PDE4D: variants seen among roughly 807,000 people sequenced by gnomAD.
PDE4D encodes phosphodiesterase 4D, also known as 3',5'-cyclic-AMP phosphodiesterase 4D.
In PDE4D, 24 loss-of-function variants were observed where a neutral mutation model predicts 87.4. The ratio of observed to expected loss-of-function variants is 0.27; its 90% confidence interval spans 0.20 to 0.39. The LOEUF (loss-of-function observed/expected upper bound fraction) is 0.39. Among genes scored for constraint, PDE4D ranks in the 10% least tolerant of loss-of-function variants. PDE4D has a pLI of 1.00. For missense variants in PDE4D, 714 were observed against 1,041.0 expected (o/e 0.69, Z 4.32); for synonymous variants, 384 against 383.2 (o/e 1.00, Z -0.02).
At chr5:60,064,986 C>T (rs1348507780) in intron 2 of PDE4D, among the ~76,000 whole-genome samples, 1 of 152,130 alleles carries the variant, frequency 6.6e-6, no homozygotes, top group Admixed American at 6.5e-5. Context: ...TCTTTTGCCT[C>T]TAGGCAAAGC....
chr5:59,032,513 A>AGGTTGCAGTGAGCTGAGATCGT (rs1757747627), intron 6 of PDE4D, among the ~76,000 whole-genome samples: 1 of 152,166 alleles, frequency 6.6e-6, no homozygotes, highest in African/African-American at 2.4e-5. Flanking sequence ...TGGGAGGCGG[A>AGGTTGCAGTGAGCTGAGATCGT]GGTTGCAGTG....
At chr5:59,953,783 C>T (rs1758543168) in intron 3 of PDE4D, among the ~76,000 whole-genome samples, 1 of 152,102 alleles carries the variant, frequency 6.6e-6, no homozygotes, top group South Asian at 2.1e-4. Flanking sequence ...CTTTACCCAT[C>T]CAATTTAAAC....
chr5:59,771,499 G>GAAGAAAGAAA (rs1554081505), intron 1 of PDE4D, among the ~76,000 whole-genome samples: 1 of 19,700 alleles, frequency 5.1e-5, no homozygotes, highest in Non-Finnish European at 1.2e-4. Flanking sequence ...GAGAGAGAGA[G>GAAGAAAGAAA]AAGAAAGAAA....
At chr5:59,703,739 G>C in intron 1 of PDE4D, 2 of 407,528 alleles carry the variant, frequency 4.9e-6, no homozygotes. Flanking sequence ...AGATTTGCTA[G>C]TGGTGTTCAG....
At chr5:59,717,928 G>A (rs1755261705) in intron 1 of PDE4D, among the ~76,000 whole-genome samples, 1 of 152,152 alleles carries the variant, frequency 6.6e-6, no homozygotes, top group African/African-American at 2.4e-5. Flanking sequence ...AAATCAGCAC[G>A]TCTCAACTTC....
rs1580027169 is a variant in PDE4D at position 58,976,213 on chromosome 5, G to T, written c.1830+137C>A. The T allele has an allele frequency of 3.2e-6, 3 of 930,214 alleles. No homozygotes were observed. In the East Asian group the frequency reaches 8.4e-5, roughly 26 times the overall value. 57.6% of individuals were successfully genotyped at this position (930,214 alleles called of 1,614,324 possible). The stretch of plus-strand genomic sequence containing the variant: ...GTTAATTCTCAGGAATAAAAATTTG[G>T]ATAAAAATCCTGCCTACAATTGCTG... On this transcript the variant is annotated intron_variant, in intron 13 of 14. Coordinates refer to ENST00000340635, the MANE Select transcript of PDE4D (RefSeq NM_001104631.2).
intron 5 of PDE4D, among the ~76,000 whole-genome samples, chr5:59,130,591 C>T (rs1776126024): frequency 1.3e-5 from 2 of 152,176 alleles, no homozygotes; most frequent in Admixed American, 6.5e-5. Flanking sequence ...ACCCAAATTT[C>T]GTAAGTGAAA....
chr5:60,415,938 A>G (rs547095540), intron 1 of PDE4D, among the ~76,000 whole-genome samples: 2 of 152,276 alleles, frequency 1.3e-5, no homozygotes, highest in East Asian at 1.9e-4. Flanking sequence ...AAATGCACCA[A>G]TCAGCACTCT....
At chr5:59,560,950 A>T (rs902223203) in intron 1 of PDE4D, 9 of 152,228 alleles carry the variant, frequency 5.9e-5, no homozygotes, top group Non-Finnish European at 8.8e-5. Flanking sequence ...ATTTAAAAAC[A>T]TGACAGAGTA....
chr5:59,565,449 G>C (rs1167300180), intron 1 of PDE4D, among the ~76,000 whole-genome samples: 1 of 152,132 alleles, frequency 6.6e-6, no homozygotes, highest in Admixed American at 6.6e-5. Flanking sequence ...AGCTCAGGAG[G>C]TTAAGGCTAC....
chr5:60,458,901 G>A (rs531824214), intron 1 of PDE4D, among the ~76,000 whole-genome samples: 28 of 152,104 alleles, frequency 1.8e-4, no homozygotes, highest in Admixed American at 7.2e-4. Flanking sequence ...AAAAGAAGAC[G>A]AGCTTCTTTG....
intron 5 of PDE4D, among the ~76,000 whole-genome samples, chr5:59,129,561 A>C (rs964576830): frequency 2.0e-5 from 3 of 152,104 alleles, no homozygotes; most frequent in Non-Finnish European, 4.4e-5. Flanking sequence ...AATATATTTT[A>C]TTTGCCACCT....
At chr5:59,868,930 G>T (rs1411875355) in intron 1 of PDE4D, among the ~76,000 whole-genome samples, 1 of 152,162 alleles carries the variant, frequency 6.6e-6, no homozygotes, top group Non-Finnish European at 1.5e-5. Flanking sequence ...AACCTCTGTA[G>T]AATGGGAAAT....
chr5:59,717,233 G>A lies in PDE4D; in HGVS notation c.455+175935C>T, dbSNP rs182055000. 6.2e-4 allele frequency among the ~76,000 whole-genome samples: 94 copies of A among 152,186 alleles called. 1 individual carries two copies. Among genetic ancestry groups the A allele is most frequent in the Middle Eastern group, 3.4e-3 (1 of 294 alleles). Reference sequence around the variant, plus strand: ...CAGCCTTCATTTACCATGACCATCAGGCATCTGCAGGGCCTTGACCTGGAA... The same window carrying A: ...CAGCCTTCATTTACCATGACCATCAAGCATCTGCAGGGCCTTGACCTGGAA... On this transcript the variant is annotated intron_variant, in intron 1 of 14. Coordinates refer to ENST00000340635, the MANE Select transcript of PDE4D (RefSeq NM_001104631.2).
At chr5:60,062,427 G>C (rs1322957176) in intron 2 of PDE4D, among the ~76,000 whole-genome samples, 1 of 152,144 alleles carries the variant, frequency 6.6e-6, no homozygotes, top group Non-Finnish European at 1.5e-5. Context: ...AGATGCTAGA[G>C]AGGCTGTGGA....
At chr5:59,138,431 G>A (rs548643316) in intron 5 of PDE4D, among the ~76,000 whole-genome samples, 8 of 152,252 alleles carry the variant, frequency 5.3e-5, no homozygotes, top group African/African-American at 1.7e-4. Context: ...GGGACTACAG[G>A]TGCATGCCAC....
At chr5:60,247,295 T>C (rs774559563) in intron 1 of PDE4D, among the ~76,000 whole-genome samples, 6 of 151,976 alleles carry the variant, frequency 3.9e-5, no homozygotes, top group Non-Finnish European at 8.8e-5. Context: ...TGACCCATAG[T>C]AATGATTTTA....
At chr5:60,445,062 G>A (rs143363866) in intron 1 of PDE4D, among the ~76,000 whole-genome samples, 1 of 152,044 alleles carries the variant, frequency 6.6e-6, no homozygotes, top group Non-Finnish European at 1.5e-5. Flanking sequence ...AACAAGCAGG[G>A]CGTAACGTGA....
intron 1 of PDE4D, among the ~76,000 whole-genome samples, chr5:59,735,638 G>A (rs774651576): frequency 6.6e-6 from 1 of 152,036 alleles, no homozygotes; most frequent in Non-Finnish European, 1.5e-5. Flanking sequence ...TAAAAAGCAA[G>A]CATGCTAAGC....
Sources: allele counts gnomAD v4.1 joint callset (sites outside exome capture counted in the v4.1 genomes callset), GRCh38; gene constraint gnomAD v4.1.1; transcripts MANE v1.5; gene names NCBI Gene and HGNC (gene_info 2026-07-23, HGNC 2026-07-21).